The following TMEM164 variants were observed in gnomAD, a reference collection of about 807,000 sequenced individuals.
The protein encoded by TMEM164 is transmembrane protein 164, also known as RP13-360B22.2.
TMEM164 carries 4 observed loss-of-function variants against 18.8 expected under a neutral mutation model. That is an observed-to-expected ratio of 0.21 (90% CI 0.10 to 0.49). TMEM164 has a LOEUF of 0.49. Ranked by LOEUF, TMEM164 falls within the 20% of genes least tolerant of loss-of-function variation. The probability of loss-of-function intolerance (pLI) is 0.98; values close to 1 mark genes in which losing one functional copy is unlikely to be tolerated. For synonymous variants in TMEM164, 86 were observed against 101.7 expected, an observed-to-expected ratio of 0.85 and a Z score of 0.93; for missense variants, 108 against 239.9, an observed-to-expected ratio of 0.45 and a Z score of 3.63.
At chrX:110,135,900 A>G in intron 4 of TMEM164, among the ~76,000 whole-genome samples, 1 of 112,010 alleles carries the variant, frequency 8.9e-6, no homozygotes, top group Non-Finnish European at 1.9e-5. Flanking sequence ...ATTCTCTCGT[A>G]TAACTACAAT....
At chrX:110,150,606 C>T (rs999283908) in intron 5 of TMEM164, among the ~76,000 whole-genome samples, 3 of 112,556 alleles carry the variant, frequency 2.7e-5, no homozygotes, top group African/African-American at 3.2e-5. Context: ...TACAACTCCA[C>T]GAGTAACTAC....
In TMEM164 at chrX:110,176,322, T is replaced by C. The variant is rs1344008570; in HGVS notation, c.*2871T>C. The C allele has an allele frequency of 1.3e-6, 1 of 754,288 alleles. No homozygotes were observed. Among genetic ancestry groups the C allele is most frequent in the African/African-American group, 2.3e-5 (1 of 43,043 alleles). 62.2% of individuals were successfully genotyped at this position (754,288 alleles called of 1,213,427 possible). A position where few individuals can be genotyped will look rare whatever the true frequency, so the allele number is the denominator to read the frequency against. On this transcript the variant is annotated 3_prime_UTR_variant, in exon 7 of 7. Coordinates refer to ENST00000372068, the MANE Select transcript of TMEM164 (RefSeq NM_032227.4). ...GGTCCTCCCTGCCCTCAGTATTTGG[T>C]TTTGTACACCAAAGATGATCTGGCC...
At chrX:110,107,140 G>C (rs1423912497) in intron 3 of TMEM164, among the ~76,000 whole-genome samples, 1 of 112,345 alleles carries the variant, frequency 8.9e-6, no homozygotes, top group Non-Finnish European at 1.9e-5. Flanking sequence ...AGGAGGGAAA[G>C]AGGAACATTC....
chrX:110,085,100 T>C (rs1056324357), intron 3 of TMEM164, among the ~76,000 whole-genome samples: 2 of 109,759 alleles, frequency 1.8e-5, no homozygotes, highest in Non-Finnish European at 3.8e-5. Flanking sequence ...TTTTGTTTCC[T>C]CTGAGTTGTC....
intron 2 of TMEM164, among the ~76,000 whole-genome samples, chrX:110,009,760 G>A (rs776031656): frequency 9.0e-6 from 1 of 111,448 alleles, no homozygotes; most frequent in East Asian, 2.8e-4. Flanking sequence ...TTGGGAGGCT[G>A]AGGCAGGCAG....
chrX:110,139,679 G>A (rs770543479), intron 4 of TMEM164, among the ~76,000 whole-genome samples: 6 of 111,773 alleles, frequency 5.4e-5, no homozygotes, highest in African/African-American at 2.0e-4. Context: ...ATGTGGTATT[G>A]CAAGGTAAGT....
Position 110,175,263 on chromosome X carries a change from G to A in TMEM164, c.*1812G>A, listed in dbSNP as rs930879337. 1 of 113,187 alleles carries A rather than the reference G, an allele frequency of 8.8e-6. No homozygotes were observed. Among genetic ancestry groups the A allele is most frequent in the Admixed American group, 9.2e-5 (1 of 10,829 alleles). 9.3% of individuals were successfully genotyped at this position (113,187 alleles called of 1,213,427 possible). ...CAAACTGCTACATGTAGGAATAGCTGATGAGGAAATACACAAGGCCTCAGT... is the reference window on the plus strand; with the variant it reads ...CAAACTGCTACATGTAGGAATAGCTAATGAGGAAATACACAAGGCCTCAGT... On this transcript the variant is annotated 3_prime_UTR_variant, in exon 7 of 7. Coordinates refer to ENST00000372068, the MANE Select transcript of TMEM164 (RefSeq NM_032227.4).
chrX:110,156,065 C>T (rs2067011989), intron 5 of TMEM164, among the ~76,000 whole-genome samples: 1 of 111,789 alleles, frequency 8.9e-6, no homozygotes, highest in Admixed American at 9.5e-5. Flanking sequence ...CCACTGTGCC[C>T]AGCTCATTAC....
At chrX:110,153,984 G>C (rs769842850) in intron 5 of TMEM164, among the ~76,000 whole-genome samples, 1 of 109,062 alleles carries the variant, frequency 9.2e-6, no homozygotes, top group East Asian at 2.8e-4. Context: ...TTTTACTATT[G>C]TTATTTTCAT....
chrX:110,045,820 C>T (rs181552263), intron 2 of TMEM164, among the ~76,000 whole-genome samples: 1 of 111,751 alleles, frequency 8.9e-6, no homozygotes. Context: ...AACAGAGGGA[C>T]CTTGCAAGGG....
intron 2 of TMEM164, among the ~76,000 whole-genome samples, chrX:110,009,267 C>A (rs1244941648): frequency 1.8e-5 from 2 of 111,932 alleles, no homozygotes; most frequent in African/African-American, 6.5e-5. Context: ...AGTTTCCTCC[C>A]CCTCTGTAAA....
intron 2 of TMEM164, among the ~76,000 whole-genome samples, chrX:110,004,555 T>C (rs1019548502): frequency 9.0e-6 from 1 of 111,289 alleles, no homozygotes; most frequent in African/African-American, 3.3e-5. Context: ...GTAGTTAATT[T>C]CCCAGGGGCC....
chrX:110,171,650 G>A, intron 6 of TMEM164, 130 bp downstream of exon 6: 2 of 585,033 alleles, frequency 3.4e-6, no homozygotes, highest in East Asian at 6.6e-5. Flanking sequence ...ATGTCAGATT[G>A]TTGTGTCTGG....
chrX:110,038,030 G>T (rs995084477), intron 2 of TMEM164, among the ~76,000 whole-genome samples: 1 of 85,269 alleles, frequency 1.2e-5, no homozygotes, highest in Non-Finnish European at 2.1e-5. Flanking sequence ...TCGCTCTGTC[G>T]CCCAGGCTGG....
intron 3 of TMEM164, among the ~76,000 whole-genome samples, chrX:110,075,859 G>C (rs1271706238): frequency 9.0e-6 from 1 of 111,261 alleles, no homozygotes; most frequent in Non-Finnish European, 1.9e-5. Context: ...GATTCAGTTT[G>C]CTAGTATTTT....
In TMEM164 at chrX:110,173,459, TA is replaced by T. The variant is rs745550955; in HGVS notation, c.*9del. On this transcript the variant is annotated 3_prime_UTR_variant, in exon 7 of 7. Coordinates refer to ENST00000372068, the MANE Select transcript of TMEM164 (RefSeq NM_032227.4). ...GCCAAGAAAATAGACTGAAGGTGCT[TA>T]TTTTTTTTTTTTTTCCTCCCTGAGG... 3.4e-6 allele frequency: 4 copies of T among 1,179,642 alleles called. No homozygotes were observed. Among genetic ancestry groups the T allele is most frequent in the Middle Eastern group, 2.4e-4 (1 of 4,215 alleles).
chrX:110,177,439 C>G lies in TMEM164; in HGVS notation c.*3988C>G, dbSNP rs2067302375. The G allele has an allele frequency of 8.9e-6, 1 of 111,785 alleles. No individual in the cohort carries two copies. Among genetic ancestry groups the G allele is most frequent in the Non-Finnish European group, 1.9e-5 (1 of 53,167 alleles). 9.2% of individuals were successfully genotyped at this position (111,785 alleles called of 1,213,427 possible). A position where few individuals can be genotyped will look rare whatever the true frequency, so the allele number is the denominator to read the frequency against. ...ACCCGTCACTGTCTCCCCTGAACCC[C>G]CACACAGTGGCTTCCCTTAGAACCA... On this transcript the variant is annotated 3_prime_UTR_variant, in exon 7 of 7. Coordinates refer to ENST00000372068, the MANE Select transcript of TMEM164 (RefSeq NM_032227.4).
intron 2 of TMEM164, among the ~76,000 whole-genome samples, chrX:110,057,769 C>T (rs183369911): frequency 9.0e-6 from 1 of 110,872 alleles, no homozygotes; most frequent in East Asian, 2.8e-4. Context: ...TTTTCATATA[C>T]CTGTTGTCCA....
intron 4 of TMEM164, among the ~76,000 whole-genome samples, chrX:110,144,595 A>G (rs1233375806): frequency 9.0e-6 from 1 of 111,726 alleles, no homozygotes; most frequent in Non-Finnish European, 1.9e-5. Flanking sequence ...TCTACAAAAG[A>G]CATCTAGGAA....
Sources: gnomAD v4.1 joint callset for allele counts (sites outside exome capture counted in the v4.1 genomes callset) on GRCh38, gnomAD v4.1.1 for gene constraint, MANE v1.5 for transcripts, NCBI Gene and HGNC (gene_info 2026-07-23, HGNC 2026-07-21) for gene names.